Variants in SSUH2 observed in about 807,000 individuals in gnomAD.
The protein encoded by SSUH2 is ssu-2 homolog.
A neutral mutation model predicts 55.3 loss-of-function variants in SSUH2; 47 were observed. That is an observed-to-expected ratio of 0.85 (90% CI 0.67 to 1.08). The LOEUF is 1.08. Among genes scored for constraint, SSUH2 ranks in the 50% least tolerant of loss-of-function variants. The pLI is 0.00. For synonymous variants in SSUH2, 212 were observed against 191.5 expected (o/e 1.11, Z -0.89); for missense variants, 535 against 490.7 (o/e 1.09, Z -0.85).
intron 5 of SSUH2, among the ~76,000 whole-genome samples, chr3:8,669,523 A>C (rs146799871): frequency 6.6e-6 from 1 of 152,296 alleles, no homozygotes; most frequent in African/African-American, 2.4e-5. Flanking sequence ...CTAAGAAGAA[A>C]AGGGATAAGA....
upstream of SSUH2, among the ~76,000 whole-genome samples, chr3:8,646,830 C>A (rs746301195): frequency 6.6e-6 from 1 of 152,196 alleles, no homozygotes; most frequent in African/African-American, 2.4e-5. Context: ...GGAAGAGAGG[C>A]GCCCACTATG....
intron 1 of SSUH2, among the ~76,000 whole-genome samples, chr3:8,636,296 GGCTATTAT>G (rs1402819201): frequency 6.6e-6 from 1 of 152,104 alleles, no homozygotes; most frequent in African/African-American, 2.4e-5. Context: ...CTCTAAGTCA[GGCTATTAT>G]GCTGGAGGGA....
upstream of SSUH2, among the ~76,000 whole-genome samples, chr3:8,646,535 T>C (rs1433039745): frequency 6.6e-6 from 1 of 152,212 alleles, no homozygotes; most frequent in East Asian, 1.9e-4. Flanking sequence ...TGACAGTCCT[T>C]TTCTGCACGC....
chr3:8,631,901 C>G lies in SSUH2; in HGVS notation c.400+148G>C. The stretch of plus-strand genomic sequence containing the variant: ...AAAGTCTCTGAGATGAAAGTCCATC[C>G]TCTCATTTTGCAGGGGGTAAGGAAG... On this transcript the variant is annotated intron_variant, in intron 5 of 11. Transcript: ENST00000544814. 3 of 631,126 alleles carry G rather than the reference C, an allele frequency of 4.8e-6. No individual in the cohort carries two copies. In the East Asian group the frequency reaches 8.3e-5, roughly 17 times the overall value. The allele number at this position is 631,126 out of a possible 1,614,324, so 39.1% of individuals were successfully genotyped here. A position where few individuals can be genotyped will look rare whatever the true frequency, so the allele number is the denominator to read the frequency against.
chr3:8,678,220 G>C (rs565294936), intron 2 of SSUH2, among the ~76,000 whole-genome samples: 8 of 152,174 alleles, frequency 5.3e-5, no homozygotes, highest in African/African-American at 1.4e-4. Flanking sequence ...TTATGAAGGA[G>C]CATCTCACAC....
At chr3:8,658,937 A>T (rs927650415) in exon 7 of SSUH2, 1 of 152,254 alleles carries the variant, frequency 6.6e-6, no homozygotes. Context: ...TACACAAAGC[A>T]CTATGATAGG....
At chr3:8,629,582 G>A in intron 7 of SSUH2, 82 bp downstream of exon 7, 2 of 1,308,568 alleles carry the variant, frequency 1.5e-6, no homozygotes, top group South Asian at 2.5e-5. Context: ...GGAGCCTCAG[G>A]CCACCAGCCC....
intron 10 of SSUH2, among the ~76,000 whole-genome samples, chr3:8,624,804 C>CCT (rs1385022874): frequency 1.3e-5 from 2 of 152,114 alleles, no homozygotes; most frequent in African/African-American, 4.8e-5. Flanking sequence ...CCCGCAGGAC[C>CCT]CTCTCCTCTG....
chr3:8,633,398 G>C (rs1336241073), intron 4 of SSUH2, among the ~76,000 whole-genome samples: 1 of 139,692 alleles, frequency 7.2e-6, no homozygotes, highest in Non-Finnish European at 1.6e-5. Flanking sequence ...GACCTCAGGT[G>C]ATCCACCCAC....
Position 8,678,213 on chromosome 3 carries a change from T to C in SSUH2, c.-900-860A>G, listed in dbSNP as rs1448805237. The stretch of plus-strand genomic sequence containing the variant: ...TCACCCCCTCCGCCTTGGAATATTA[T>C]GAAGGAGCATCTCACACCGGGGTGT... On this transcript the variant is annotated intron_variant, in intron 2 of 18. Coordinates refer to the SSUH2 transcript ENST00000317371. 3.9e-5 allele frequency among the ~76,000 whole-genome samples: 6 copies of C among 152,088 alleles called. No individual in the cohort carries two copies. The South Asian group carries it at 1.0e-3, about 26-fold the overall frequency.
intron 10 of SSUH2, among the ~76,000 whole-genome samples, chr3:8,623,900 G>T (rs777123737): frequency 1.3e-5 from 2 of 152,200 alleles, no homozygotes; most frequent in African/African-American, 2.4e-5. Flanking sequence ...CGGGCACCGC[G>T]CTAGGTGCAG....
intron 4 of SSUH2, 124 bp from the exon 5 acceptor site, chr3:8,632,233 C>A (rs899182507): frequency 1.4e-6 from 1 of 728,208 alleles, no homozygotes; most frequent in South Asian, 1.8e-5. Context: ...ATGCACAACA[C>A]CCTCGGCTGC....
At chr3:8,632,216 G>A (rs965722131) in intron 4 of SSUH2, 107 bp from the exon 5 acceptor site, 2 of 903,368 alleles carry the variant, frequency 2.2e-6, no homozygotes, top group African/African-American at 3.3e-5. Context: ...GGGAAACTGA[G>A]AGGTCCATGC....
At chr3:8,674,012 G>C (rs1704927052) in intron 3 of SSUH2, among the ~76,000 whole-genome samples, 3 of 152,222 alleles carry the variant, frequency 2.0e-5, no homozygotes, top group Admixed American at 6.5e-5. Flanking sequence ...TCAAAGCGCG[G>C]AACACGTTAG....
At chr3:8,634,300 G>T in intron 3 of SSUH2, 1 of 1,026,650 alleles carries the variant, frequency 9.7e-7, no homozygotes, top group Non-Finnish European at 1.3e-6. Context: ...GAGGACCGTG[G>T]GTGGGACGAC....
intron 7 of SSUH2, among the ~76,000 whole-genome samples, chr3:8,653,333 T>G (rs1322639413): frequency 6.6e-6 from 1 of 152,194 alleles, no homozygotes; most frequent in South Asian, 2.1e-4. Flanking sequence ...AAATCAAAGA[T>G]TCAAAAGATT....
chr3:8,679,045 A>G lies in SSUH2; in HGVS notation c.-901+660T>C, dbSNP rs1338752808. 7.3e-5 allele frequency among the ~76,000 whole-genome samples: 6 copies of G among 81,874 alleles called. 2 individuals carry two copies. The highest frequency in any genetic ancestry group is 4.7e-4 in the Admixed American group (4 of 8,438). The allele number at this position is 81,874 out of a possible 152,430, so 53.7% of individuals were successfully genotyped here. A position where few individuals can be genotyped will look rare whatever the true frequency, so the allele number is the denominator to read the frequency against. On this transcript the variant is annotated intron_variant, in intron 2 of 18. Transcript: ENST00000317371. Reference sequence around the variant, plus strand: ...CCCCCCCTGGCTCTTAGGACACCAAACGCAGGGGAGGAAGCACCCCCCGCG... The same window carrying G: ...CCCCCCCTGGCTCTTAGGACACCAAGCGCAGGGGAGGAAGCACCCCCCGCG...
At chr3:8,652,642 A>G (rs946580601) in intron 7 of SSUH2, among the ~76,000 whole-genome samples, 5 of 152,190 alleles carry the variant, frequency 3.3e-5, no homozygotes, top group African/African-American at 1.2e-4. Context: ...CAGCCTCCAA[A>G]CAGCCTTTCC....
intron 7 of SSUH2, among the ~76,000 whole-genome samples, chr3:8,651,171 T>C (rs1702357361): frequency 6.6e-6 from 1 of 152,232 alleles, no homozygotes; most frequent in Non-Finnish European, 1.5e-5. Flanking sequence ...TTCAATTTGC[T>C]TTGCAAGGCA....
Sources: gnomAD v4.1 joint callset for allele counts (sites outside exome capture counted in the v4.1 genomes callset) on GRCh38, gnomAD v4.1.1 for gene constraint, MANE v1.5 for transcripts, NCBI Gene and HGNC (gene_info 2026-07-23, HGNC 2026-07-21) for gene names.